Variants in MALRD1 observed in about 807,000 individuals in gnomAD.
MALRD1 encodes MAM and LDL-receptor class A domain-containing protein 1.
In MALRD1, 247 loss-of-function variants were observed where a neutral mutation model predicts 242.1. The ratio of observed to expected loss-of-function variants is 1.02; its 90% CI spans 0.92 to 1.13. The LOEUF is 1.13. MALRD1 is among the 50% of genes most tolerant of loss of function. MALRD1 has a pLI of 0.00. For synonymous variants in MALRD1, 995 were observed against 866.6 expected (o/e 1.15, Z -2.60); for missense variants, 2,989 against 2,533.1 (o/e 1.18, Z -3.86).
In MALRD1 at chr10:19,216,957, AAT is replaced by A. The variant is rs1325903993; in HGVS notation, c.2991+7279_2991+7280del. On this transcript the variant is annotated intron_variant, in intron 18 of 39. Coordinates refer to ENST00000454679, the MANE Select transcript of MALRD1 (RefSeq NM_001142308.3). ...CGAGACTCCGTCTCAAAAAAAAAAA[AAT>A]AAAAATAAAATAAAATTAAAAAAAA... 1.2e-3 allele frequency among the ~76,000 whole-genome samples: 114 copies of A among 95,706 alleles called. 1 individual carries two copies. The highest frequency in any genetic ancestry group is 6.2e-3 in the Middle Eastern group (1 of 162). 62.8% of individuals were successfully genotyped at this position (95,706 alleles called of 152,430 possible). A position where few individuals can be genotyped will look rare whatever the true frequency, so the allele number is the denominator to read the frequency against.
intron 14 of MALRD1, among the ~76,000 whole-genome samples, chr10:19,194,047 AATTAT>A (rs140089686): frequency 0.075 from 11,377 of 152,046 alleles, 483 homozygotes; most frequent in Middle Eastern, 0.11. Context: ...TATCTAAAAA[AATTAT>A]ATTATTTGTC....
intron 13 of MALRD1, among the ~76,000 whole-genome samples, chr10:19,166,894 T>C (rs1834708152): frequency 6.6e-6 from 1 of 152,208 alleles, no homozygotes; most frequent in Admixed American, 6.5e-5. Flanking sequence ...TGAGTTTTAG[T>C]CTCTGCTCTG....
At chr10:19,579,818 C>T (rs868518930) in intron 33 of MALRD1, among the ~76,000 whole-genome samples, 4 of 152,080 alleles carry the variant, frequency 2.6e-5, no homozygotes, top group Middle Eastern at 3.2e-3. Context: ...GAAATGTGAA[C>T]ATTGAATTAA....
At chr10:19,076,479 AAT>A (rs1835322050) in intron 2 of MALRD1, among the ~76,000 whole-genome samples, 1 of 151,994 alleles carries the variant, frequency 6.6e-6, no homozygotes, top group Non-Finnish European at 1.5e-5. Context: ...AGTTAATTTT[AAT>A]ATGTTATGAG....
At chr10:19,611,932 A>G (rs138480971) in intron 35 of MALRD1, among the ~76,000 whole-genome samples, 26 of 152,178 alleles carry the variant, frequency 1.7e-4, no homozygotes, top group African/African-American at 6.0e-4. Flanking sequence ...GCTCCACTAT[A>G]GAGCATAAAA....
intron 19 of MALRD1, 90 bp downstream of exon 19, chr10:19,257,861 T>A: frequency 1.1e-6 from 1 of 919,122 alleles, no homozygotes. Context: ...TCTACAAAAT[T>A]TCCAATATGA....
intron 13 of MALRD1, among the ~76,000 whole-genome samples, chr10:19,172,665 G>GTTT (rs961443825): frequency 6.6e-6 from 1 of 150,752 alleles, no homozygotes; most frequent in Non-Finnish European, 1.5e-5. Flanking sequence ...TCAAACTGTC[G>GTTT]TTTTTTTTCC....
At chr10:19,398,483 A>G (rs1846687104) in intron 28 of MALRD1, among the ~76,000 whole-genome samples, 1 of 152,170 alleles carries the variant, frequency 6.6e-6, no homozygotes, top group African/African-American at 2.4e-5. Flanking sequence ...TGAGACAGCC[A>G]AAGTATTATA....
At chr10:19,155,618 A>G (rs962743925) in intron 12 of MALRD1, among the ~76,000 whole-genome samples, 1 of 152,166 alleles carries the variant, frequency 6.6e-6, no homozygotes. Flanking sequence ...TACCCATTTT[A>G]TTTCAGCAGC....
At chr10:19,257,832 A>T in intron 19 of MALRD1, 61 bp downstream of exon 19, 1 of 1,148,664 alleles carries the variant, frequency 8.7e-7, no homozygotes, top group Non-Finnish European at 1.2e-6. Context: ...AAAACTTGCA[A>T]GGAAATCAAT....
chr10:19,615,673 G>T (rs1839121292), intron 35 of MALRD1, among the ~76,000 whole-genome samples, 184 bp from the exon 36 acceptor site: 1 of 151,866 alleles, frequency 6.6e-6, no homozygotes, highest in African/African-American at 2.4e-5. Flanking sequence ...AGGGCAGCAG[G>T]GGCCAGAGAA....
intron 26 of MALRD1, among the ~76,000 whole-genome samples, chr10:19,353,827 T>C (rs1231860047): frequency 6.6e-6 from 1 of 152,170 alleles, no homozygotes; most frequent in African/African-American, 2.4e-5. Flanking sequence ...AAAATAATCT[T>C]GTAGCATCCA....
At chr10:19,515,049 A>G (rs1378675579) in intron 31 of MALRD1, among the ~76,000 whole-genome samples, 6 of 151,118 alleles carry the variant, frequency 4.0e-5, no homozygotes. Context: ...TCTTTTTCCC[A>G]TTTTGAAACA....
In MALRD1 at chr10:19,136,560, T is replaced by C; in HGVS notation, c.1204-14T>C. The C allele has an allele frequency of 8.2e-7, 1 of 1,221,138 alleles. No homozygotes were observed. Among genetic ancestry groups the C allele is most frequent in the Non-Finnish European group, 1.0e-6 (1 of 978,256 alleles). 75.6% of individuals were successfully genotyped at this position (1,221,138 alleles called of 1,614,324 possible). On this transcript the variant is annotated splice_polypyrimidine_tract_variant and intron_variant, in intron 9 of 39. Transcript: ENST00000454679. ...AGATTGCAAACTCATAAATTAATCT[T>C]TTCCTTCCTAAAGATTATTTTTGAA...
At chr10:19,355,304 C>G (rs1226324187) in intron 26 of MALRD1, among the ~76,000 whole-genome samples, 1 of 151,526 alleles carries the variant, frequency 6.6e-6, no homozygotes, top group Non-Finnish European at 1.5e-5. Flanking sequence ...AATTTTTTCT[C>G]AAAATGAACC....
intron 22 of MALRD1, among the ~76,000 whole-genome samples, chr10:19,325,918 C>G (rs1202912620): frequency 6.6e-6 from 1 of 152,058 alleles, no homozygotes; most frequent in African/African-American, 2.4e-5. Context: ...AGGTGCTACC[C>G]TGACTCCTAT....
chr10:19,069,587 A>G (rs907473961), intron 2 of MALRD1, among the ~76,000 whole-genome samples: 2 of 151,988 alleles, frequency 1.3e-5, no homozygotes, highest in Admixed American at 6.6e-5. Flanking sequence ...TGCTGGTGAT[A>G]AATTATGTTA....
chr10:19,533,253 T>C (rs1245940742), intron 32 of MALRD1, among the ~76,000 whole-genome samples: 1 of 152,172 alleles, frequency 6.6e-6, no homozygotes, highest in Non-Finnish European at 1.5e-5. Flanking sequence ...GAAATAGAAA[T>C]AGTGACCTCA....
chr10:19,420,133 C>T (rs557310921), intron 28 of MALRD1, among the ~76,000 whole-genome samples: 14 of 152,286 alleles, frequency 9.2e-5, no homozygotes, highest in African/African-American at 2.4e-4. Context: ...GCCTGACACT[C>T]GTGGCCCCTG....
Sources: allele counts gnomAD v4.1 joint callset (sites outside exome capture counted in the v4.1 genomes callset), GRCh38; gene constraint gnomAD v4.1.1; transcripts MANE v1.5; gene names NCBI Gene and HGNC (gene_info 2026-07-23, HGNC 2026-07-21).